Variants in CENPE observed in about 807,000 individuals in gnomAD.
The protein encoded by CENPE is centromere protein E, also known as centromere-associated protein E.
In CENPE, 145 loss-of-function variants were observed where a neutral mutation model predicts 336.1. That is an observed-to-expected ratio of 0.43 (90% CI 0.38 to 0.50). CENPE has a LOEUF of 0.50. CENPE is among the 20% of genes least tolerant of loss of function. CENPE has a pLI of 0.00. For missense variants in CENPE, 2,719 were observed against 3,023.3 expected, an observed-to-expected ratio of 0.90 and a Z score of 2.36; for synonymous variants, 1,013 against 984.8, an observed-to-expected ratio of 1.03 and a Z score of -0.54.
intron 25 of CENPE, 140 bp from the exon 26 acceptor site, chr4:103,151,517 A>C (rs969952302): frequency 5.0e-6 from 3 of 604,554 alleles, no homozygotes; most frequent in Non-Finnish European, 7.8e-6. Flanking sequence ...TTCAAAAAAG[A>C]AAGTCCTTAT....
chr4:103,147,562 A>G lies in CENPE; in HGVS notation c.3928T>C (p.Leu1310=), dbSNP rs761786325. ...TTGGTTGTGGACTGTTCTGTTAATA[A>G]CTCCAGTTCATTCATTGTTTCCTGA... ...ETQETMNELE[L]LTEQSTTKDS... Residue 1310 remains leucine (L), a synonymous_variant, in exon 29 of 49, where the codon TTA becomes CTA. Coordinates refer to ENST00000265148, the MANE Select transcript of CENPE (RefSeq NM_001813.3). 2 of 1,613,756 alleles carry G rather than the reference A, an allele frequency of 1.2e-6. No individual in the cohort carries two copies. The highest frequency in any genetic ancestry group is 4.5e-5 in the East Asian group (2 of 44,870).
At chr4:103,108,228 C>G (rs1455552789) in intron 48 of CENPE, among the ~76,000 whole-genome samples, 1 of 151,462 alleles carries the variant, frequency 6.6e-6, no homozygotes, top group Non-Finnish European at 1.5e-5. Context: ...TTTGTACTTG[C>G]ACTGCTATAA....
rs1486722845 is a variant in CENPE, at chr4:103,120,302, T to A, written c.7175A>T (p.Glu2392Val). Residue 2392 changes from glutamate to valine, a missense_variant, in exon 44 of 49, where the codon GAA becomes GTA. Physicochemically the swap from Glu to Val is moderately radical, Grantham distance 121 (BLOSUM62 -2). Transcript: ENST00000265148. Reference sequence around the variant, plus strand: ...CTTATGCATAGCACTTTCTTTAGCTTCATGCAGTGAATTTTCCAGCTCTCG... The same window carrying A: ...CTTATGCATAGCACTTTCTTTAGCTACATGCAGTGAATTTTCCAGCTCTCG... ...KIRELENSLH[E>V]AKESAMHKES... 3 of 1,608,844 alleles carry A rather than the reference T, an allele frequency of 1.9e-6. No homozygotes were observed. The highest frequency in any genetic ancestry group is 8.5e-7 in the Non-Finnish European group (1 of 1,178,906).
At chr4:103,164,132 T>C (rs757957275) in intron 16 of CENPE, among the ~76,000 whole-genome samples, 1 of 152,126 alleles carries the variant, frequency 6.6e-6, no homozygotes. Flanking sequence ...AACTATGACC[T>C]TGATTTATTC....
At chr4:103,158,247 T>G in intron 24 of CENPE, 53 bp downstream of exon 24, 1 of 1,334,712 alleles carries the variant, frequency 7.5e-7, no homozygotes, top group Non-Finnish European at 1.0e-6. Flanking sequence ...GTATTTGAGG[T>G]TAAAGAGTAT....
intron 38 of CENPE, among the ~76,000 whole-genome samples, chr4:103,139,051 TCTTCCCAGCACCTTGGAAAAGTTCA>T (rs1752314683): frequency 8.6e-6 from 1 of 116,038 alleles, no homozygotes; most frequent in Non-Finnish European, 2.1e-5. Flanking sequence ...AGTCATATAT[TCTTCCCAGCACCTTGGAAAAGTTCA>T]TATCCTGTGT....
At chr4:103,125,742 G>A (rs552490457) in intron 42 of CENPE, among the ~76,000 whole-genome samples, 32 of 151,874 alleles carry the variant, frequency 2.1e-4, no homozygotes, top group African/African-American at 7.5e-4. Flanking sequence ...GCACGTGCCT[G>A]TAGTCCCAGT....
At chr4:103,164,376 G>T (rs1249048574) in intron 16 of CENPE, among the ~76,000 whole-genome samples, 1 of 152,028 alleles carries the variant, frequency 6.6e-6, no homozygotes, top group African/African-American at 2.4e-5. Flanking sequence ...AATTCTAATA[G>T]TATGTAAGGG....
chr4:103,194,273 C>G lies in CENPE; in HGVS notation c.649G>C (p.Gly217Arg), dbSNP rs1245079403. 3 of 1,612,640 alleles carry G rather than the reference C, an allele frequency of 1.9e-6. No individual in the cohort carries two copies. The part of the protein sequence containing the change: ...FRMILESREK[G>R]EPSNCEGSVK... ...GATCCTTCACAATTAGAAGGTTCACCCTTCTCTCTGCTTTCCAAAATCTAG... is the reference window on the plus strand; with the variant it reads ...GATCCTTCACAATTAGAAGGTTCACGCTTCTCTCTGCTTTCCAAAATCTAG... Residue 217 changes from glycine (G) to arginine (R), a missense_variant, in exon 8 of 49, where the codon GGT (glycine) becomes CGT (arginine). Coordinates refer to ENST00000265148, the MANE Select transcript of CENPE (RefSeq NM_001813.3).
intron 42 of CENPE, among the ~76,000 whole-genome samples, chr4:103,132,413 C>A (rs965238181): frequency 3.9e-5 from 6 of 152,086 alleles, no homozygotes; most frequent in African/African-American, 1.4e-4. Flanking sequence ...TCAGTTCTTA[C>A]AGAAGCAGTG....
chr4:103,120,125 T>G, intron 44 of CENPE, 23 bp downstream of exon 44: 1 of 1,530,166 alleles, frequency 6.5e-7, no homozygotes, highest in Non-Finnish European at 8.9e-7. Context: ...AACAAACAAC[T>G]TTTATTTTTA....
rs1199073818 is a variant in CENPE at position 103,108,804 on chromosome 4, T to A, written c.8010A>T (p.Pro2670=). Residue 2670 remains proline (P), a splice_region_variant and synonymous_variant, in exon 48 of 49, where the codon CCA becomes CCT. Transcript: ENST00000265148. ...YFDNSSLGLC[P]EVQNAGAESV... ...CAAGTAACCAGTATATTTACTTACCTGGACAAAGGCCTAAACTTGAGTTAT... is the reference window on the plus strand; with the variant it reads ...CAAGTAACCAGTATATTTACTTACCAGGACAAAGGCCTAAACTTGAGTTAT... The A allele has an allele frequency of 6.2e-7, 1 of 1,612,344 alleles. No homozygotes were observed.
intron 40 of CENPE, among the ~76,000 whole-genome samples, chr4:103,134,368 C>T (rs1422411391): frequency 1.3e-5 from 2 of 152,072 alleles, no homozygotes; most frequent in Non-Finnish European, 2.9e-5. Flanking sequence ...GACATGGTGG[C>T]TCATGCCTGT....
At position 103,159,014 on chromosome 4, in the gene CENPE, G is replaced by A; in HGVS notation, c.2597C>T (p.Thr866Ile). The change falls in exon 22 of 49, where the codon ACC (threonine) becomes ATC (isoleucine). Residue 866 changes from threonine to isoleucine, a missense_variant. By Grantham distance (89) the Thr-to-Ile change is moderately conservative (BLOSUM62 -1). Coordinates refer to ENST00000265148, the MANE Select transcript of CENPE (RefSeq NM_001813.3). ...KFDSSLGALK[T>I]ELSYKTQELQ... ...AAAATAGCATCTTGTACCAACCTCG[G>A]TCTTCAAAGCACCCAAACTCGAATC... 6 of 1,531,636 alleles carry A rather than the reference G, an allele frequency of 3.9e-6. No homozygotes were observed. Among genetic ancestry groups the A allele is most frequent in the Non-Finnish European group, 4.4e-6 (5 of 1,146,400 alleles). 94.9% of individuals were successfully genotyped at this position (1,531,636 alleles called of 1,614,324 possible). A position where few individuals can be genotyped will look rare whatever the true frequency, so the allele number is the denominator to read the frequency against.
chr4:103,139,674 T>G, intron 38 of CENPE, 115 bp downstream of exon 38: 1 of 917,078 alleles, frequency 1.1e-6, no homozygotes, highest in South Asian at 2.4e-5. Flanking sequence ...CATTTCCCAC[T>G]GTCCTTTACT....
chr4:103,143,003 CAAAAAAAA>C (rs1168385683), intron 34 of CENPE, among the ~76,000 whole-genome samples: 2,342 of 63,038 alleles, frequency 0.037, 55 homozygotes, highest in African/African-American at 0.12. Flanking sequence ...GACTCTGTCT[CAAAAAAAA>C]AAAAAAAAAA....
intron 16 of CENPE, among the ~76,000 whole-genome samples, chr4:103,170,787 A>T (rs1755334339): frequency 6.6e-6 from 1 of 152,182 alleles, no homozygotes; most frequent in African/African-American, 2.4e-5. Flanking sequence ...TGCTGCCTGA[A>T]AGAGATTAAC....
At chr4:103,122,796 G>A in intron 43 of CENPE, 75 bp downstream of exon 43, 1 of 1,088,258 alleles carries the variant, frequency 9.2e-7, no homozygotes, top group Non-Finnish European at 1.4e-6. Flanking sequence ...TCAGTAATAA[G>A]TAAATACTAT....
Position 103,151,338 on chromosome 4 carries a change from C to A in CENPE, c.3277G>T (p.Glu1093Ter). The A allele has an allele frequency of 6.3e-7, 1 of 1,597,956 alleles. No homozygotes were observed. The highest frequency in any genetic ancestry group is 8.5e-7 in the Non-Finnish European group (1 of 1,176,518). ...NQEELRLLGDELKKQQEIVAQ... is the reference protein window; with the variant it reads ...NQEELRLLGD ...ACTATCTCTTGTTGCTTTTTAAGTTCATCCCCAAGAAGTCTTAATTCTTCC... is the reference window on the plus strand; with the variant it reads ...ACTATCTCTTGTTGCTTTTTAAGTTAATCCCCAAGAAGTCTTAATTCTTCC... The change falls in exon 26 of 49, where the codon GAA becomes TAA. Residue 1093 changes from glutamate to a stop codon, truncating the protein, a stop_gained. Transcript: ENST00000265148. LOFTEE classifies it high-confidence loss of function.
Sources: allele counts gnomAD v4.1 joint callset (sites outside exome capture counted in the v4.1 genomes callset), GRCh38; gene constraint gnomAD v4.1.1; transcripts MANE v1.5; gene names NCBI Gene and HGNC (gene_info 2026-07-23, HGNC 2026-07-21).